Variants in YAP1 observed in about 807,000 individuals in gnomAD.
The protein encoded by YAP1 is Yes1 associated transcriptional regulator.
Under a neutral mutation model 56.9 loss-of-function variants are expected in YAP1, and 5 were observed. The observed-to-expected ratio is 0.09, with a 90% CI of 0.05 to 0.18. The LOEUF (loss-of-function observed/expected upper bound fraction) is 0.18, where lower values mean the gene tolerates loss of function less well. Ranked by LOEUF, YAP1 falls within the 10% of genes least tolerant of loss-of-function variation. YAP1 has a pLI of 1.00. For synonymous variants in YAP1, 265 were observed against 248.1 expected, an observed-to-expected ratio of 1.07 and a Z score of -0.64; for missense variants, 539 against 651.8, an observed-to-expected ratio of 0.83 and a Z score of 1.88.
intron 2 of YAP1, among the ~76,000 whole-genome samples, chr11:102,128,513 T>C (rs1944175670): frequency 6.6e-6 from 1 of 152,240 alleles, no homozygotes; most frequent in African/African-American, 2.4e-5. Flanking sequence ...AAACCTCTTT[T>C]TCTTCCCAGT....
intron 6 of YAP1, 112 bp from the exon 7 acceptor site, chr11:102,223,510 G>C: frequency 2.7e-6 from 3 of 1,129,768 alleles, no homozygotes; most frequent in Non-Finnish European, 3.7e-6. Flanking sequence ...CTTTAAAGTA[G>C]ATGTTTTTAA....
intron 2 of YAP1, among the ~76,000 whole-genome samples, chr11:102,126,525 T>C (rs1441264554): frequency 6.6e-6 from 1 of 152,220 alleles, no homozygotes; most frequent in Non-Finnish European, 1.5e-5. Context: ...GCCCCCGCCA[T>C]GTAAGAAGTG....
chr11:102,124,336 G>T (rs1943898794), intron 2 of YAP1, among the ~76,000 whole-genome samples: 1 of 152,066 alleles, frequency 6.6e-6, no homozygotes, highest in Non-Finnish European at 1.5e-5. Context: ...TATATTGGGG[G>T]TCTGAAATTT....
At chr11:102,112,687 G>C in intron 1 of YAP1, 1 of 985,246 alleles carries the variant, frequency 1.0e-6, no homozygotes, top group South Asian at 4.7e-5. Flanking sequence ...CCGGGTTAAG[G>C]AGGAGGAAAG....
At chr11:102,186,398 C>A in intron 4 of YAP1, 1 of 330,414 alleles carries the variant, frequency 3.0e-6, no homozygotes, top group Non-Finnish European at 5.6e-6. Context: ...GTTCCTTTCA[C>A]ATTTTGGGAG....
chr11:102,228,739 C>T (rs1474794535), intron 8 of YAP1, among the ~76,000 whole-genome samples: 2 of 151,470 alleles, frequency 1.3e-5, no homozygotes, highest in Non-Finnish European at 2.9e-5. Context: ...TCTCCTGTGG[C>T]TTACCTGGCA....
chr11:102,156,354 CTGT>C (rs1227378280), intron 2 of YAP1, among the ~76,000 whole-genome samples: 1 of 152,116 alleles, frequency 6.6e-6, no homozygotes, highest in Non-Finnish European at 1.5e-5. Flanking sequence ...CCTGAAATAA[CTGT>C]TGTTATTCAT....
At chr11:102,178,551 ATTTC>A (rs1159359381) in intron 3 of YAP1, among the ~76,000 whole-genome samples, 7 of 152,220 alleles carry the variant, frequency 4.6e-5, no homozygotes, top group African/African-American at 1.7e-4. Flanking sequence ...GACATGGAGT[ATTTC>A]TTTTTAAAAT....
At chr11:102,183,368 A>G (rs998913428) in intron 3 of YAP1, among the ~76,000 whole-genome samples, 1 of 152,214 alleles carries the variant, frequency 6.6e-6, no homozygotes, top group Non-Finnish European at 1.5e-5. Context: ...TTTCCTCTTG[A>G]TGGAGAGCAA....
intron 4 of YAP1, among the ~76,000 whole-genome samples, chr11:102,204,962 A>G (rs1332305844): frequency 6.6e-6 from 1 of 152,152 alleles, no homozygotes; most frequent in East Asian, 1.9e-4. Flanking sequence ...CAGTGACCCA[A>G]AATTTCAACT....
At chr11:102,184,431 CA>C (rs1947838054) in intron 3 of YAP1, among the ~76,000 whole-genome samples, 1 of 152,146 alleles carries the variant, frequency 6.6e-6, no homozygotes, top group African/African-American at 2.4e-5. Context: ...GGGATGTGTA[CA>C]ACAAATTCTA....
intron 5 of YAP1, among the ~76,000 whole-genome samples, chr11:102,206,855 T>C (rs1565269004): frequency 6.6e-6 from 1 of 152,118 alleles, no homozygotes; most frequent in Non-Finnish European, 1.5e-5. Context: ...AACAAAAAGT[T>C]ATCTTCAAGT....
intron 3 of YAP1, among the ~76,000 whole-genome samples, chr11:102,184,076 C>G (rs1380655527): frequency 2.1e-5 from 1 of 47,184 alleles, no homozygotes; most frequent in Non-Finnish European, 4.4e-5. Flanking sequence ...GACTCCGTCT[C>G]AAAAAAAAAA....
At chr11:102,225,124 C>T (rs1156701849) in intron 7 of YAP1, among the ~76,000 whole-genome samples, 1 of 152,050 alleles carries the variant, frequency 6.6e-6, no homozygotes, top group African/African-American at 2.4e-5. Context: ...TATGCATTCT[C>T]TGCAGTACCC....
chr11:102,202,220 C>T (rs995254378), intron 4 of YAP1, among the ~76,000 whole-genome samples: 2 of 151,196 alleles, frequency 1.3e-5, no homozygotes, highest in South Asian at 2.1e-4. Flanking sequence ...AGTGCAGTGG[C>T]GCGGTCTTGG....
intron 4 of YAP1, among the ~76,000 whole-genome samples, chr11:102,192,666 CACTCTTTAACTGAAT>C: frequency 6.6e-6 from 1 of 152,296 alleles, no homozygotes; most frequent in Non-Finnish European, 1.5e-5. Context: ...AGAATATTTC[CACTCTTTAACTGAAT>C]ACAATATGCT....
intron 6 of YAP1, among the ~76,000 whole-genome samples, chr11:102,221,325 T>G (rs1450548724): frequency 6.6e-6 from 1 of 152,226 alleles, no homozygotes; most frequent in Non-Finnish European, 1.5e-5. Flanking sequence ...GTGTTTGTTT[T>G]TTTTTAAAGT....
intron 2 of YAP1, among the ~76,000 whole-genome samples, chr11:102,139,943 G>T (rs138590362): frequency 1.3e-5 from 2 of 152,120 alleles, no homozygotes; most frequent in Admixed American, 1.3e-4. Flanking sequence ...GATGAAATTG[G>T]CTTATCTGAA....
chr11:102,176,762 AAAAAAAAAAAAAAAG>A (rs1464936056), intron 3 of YAP1, among the ~76,000 whole-genome samples: 15 of 148,152 alleles, frequency 1.0e-4, no homozygotes, highest in African/African-American at 3.5e-4. Context: ...AAAAAAAAAA[AAAAAAAAAAAAAAAG>A]AGTAGAATTT....
Sources: allele counts gnomAD v4.1 joint callset (sites outside exome capture counted in the v4.1 genomes callset), GRCh38; gene constraint gnomAD v4.1.1; transcripts MANE v1.5; gene names NCBI Gene and HGNC (gene_info 2026-07-23, HGNC 2026-07-21).